The following FAM110B variants were observed in gnomAD, a reference collection of about 807,000 sequenced individuals.
FAM110B encodes family with sequence similarity 110 member B.
FAM110B carries 6 observed loss-of-function variants against 20.4 expected under a neutral mutation model. The ratio of observed to expected loss-of-function variants is 0.29; its 90% CI spans 0.16 to 0.58. The LOEUF (loss-of-function observed/expected upper bound fraction) is 0.58, where lower values mean the gene tolerates loss of function less well. Among genes scored for constraint, FAM110B ranks in the 20% least tolerant of loss-of-function variants. The pLI is 0.90. For synonymous variants in FAM110B, 226 were observed against 214.1 expected (o/e 1.06, Z -0.49); for missense variants, 434 against 498.2 (o/e 0.87, Z 1.23).
At chr8:58,136,200 C>G (rs538036227) in intron 3 of FAM110B, among the ~76,000 whole-genome samples, 1 of 151,778 alleles carries the variant, frequency 6.6e-6, no homozygotes, top group African/African-American at 2.4e-5. Flanking sequence ...TTAGTGGAGA[C>G]GGGGTTTCAC....
chr8:58,124,043 T>C (rs1313886376), intron 3 of FAM110B, among the ~76,000 whole-genome samples: 1 of 152,256 alleles, frequency 6.6e-6, no homozygotes, highest in African/African-American at 2.4e-5. Context: ...CTTTACCCTG[T>C]TTCCCTTTTA....
chr8:58,001,557 C>T (rs1804296572), intron 1 of FAM110B, among the ~76,000 whole-genome samples: 1 of 152,140 alleles, frequency 6.6e-6, no homozygotes, highest in African/African-American at 2.4e-5. Flanking sequence ...ACTAGCGTTA[C>T]AAGATCGAAC....
At chr8:58,001,365 AGTGTGTGCAG>A (rs1331244929) in intron 1 of FAM110B, among the ~76,000 whole-genome samples, 3 of 129,156 alleles carry the variant, frequency 2.3e-5, no homozygotes, top group Admixed American at 2.3e-4. Context: ...TCATGGAGCT[AGTGTGTGCAG>A]GTGTGTGTGT....
At position 58,028,661 on chromosome 8, in the gene FAM110B, T is replaced by C. The variant is rs115339527; in HGVS notation, c.-511-2945T>C. On this transcript the variant is annotated intron_variant, in intron 1 of 3. Transcript: ENST00000519262. ...TATAAAAAGAAATATAAGGAAAATA[T>C]TTTGTTGCTTTCACGGTTTCTAGAA... Among the ~76,000 whole-genome samples the C allele has an allele frequency of 4.7e-3, 720 of 152,298 alleles. 7 individuals carry two copies. Among genetic ancestry groups the C allele is most frequent in the African/African-American group, 0.017 (690 of 41,548 alleles).
intron 3 of FAM110B, among the ~76,000 whole-genome samples, chr8:58,116,798 A>T (rs1807226945): frequency 6.6e-6 from 1 of 152,202 alleles, no homozygotes; most frequent in Admixed American, 6.5e-5. Context: ...AAAGACAAGT[A>T]AATTACCTTA....
intron 3 of FAM110B, among the ~76,000 whole-genome samples, chr8:58,104,540 T>G (rs931884857): frequency 6.6e-6 from 1 of 152,200 alleles, no homozygotes; most frequent in Non-Finnish European, 1.5e-5. Context: ...AAAGTTGACC[T>G]GTAGTAACAT....
rs770044019 is a variant in FAM110B, at chr8:58,146,557, C to G, written c.327C>G (p.Ser109Arg). The stretch of plus-strand genomic sequence containing the variant: ...TCGGCAACCACGCCAAGACCGAGAG[C>G]GGCGTGCAGAGGGAGAACCTGAAGC... ...KVFGNHAKTE[S>R]GVQRENLKLE... The change falls in exon 4 of 4, where the codon AGC becomes AGG. Residue 109 changes from serine to arginine, a missense_variant. Ser to Arg is a moderately radical substitution (Grantham distance 110). This residue lies in a region of FAM110B where 284 missense variants were observed against 278.3 expected (regional missense o/e 1.02). Coordinates refer to ENST00000519262, the MANE Select transcript of FAM110B (RefSeq NM_001377989.1). 1.2e-6 allele frequency: 2 copies of G among 1,614,010 alleles called. No homozygotes were observed. The highest frequency in any genetic ancestry group is 1.6e-4 in the Middle Eastern group (1 of 6,062).
At chr8:58,005,367 C>T (rs1342348143) in intron 1 of FAM110B, among the ~76,000 whole-genome samples, 1 of 152,128 alleles carries the variant, frequency 6.6e-6, no homozygotes, top group Non-Finnish European at 1.5e-5. Flanking sequence ...CATTGAAGAT[C>T]CCTGATCACA....
rs1112530 is a variant in FAM110B, at chr8:58,011,975, A to G, written c.-512+17169A>G. Among the ~76,000 whole-genome samples the G allele has an allele frequency of 5.4e-3, 826 of 152,344 alleles. 19 individuals are homozygous for G. The highest frequency in any genetic ancestry group is 2.7e-3 in the East Asian group (14 of 5,188). The stretch of plus-strand genomic sequence containing the variant: ...CTCTGCTTCAGCTGAAGGATATTCC[A>G]GAGATGGCCACACGACATCTCACTG... On this transcript the variant is annotated intron_variant, in intron 1 of 3. Transcript: ENST00000519262.
intron 3 of FAM110B, among the ~76,000 whole-genome samples, chr8:58,079,234 C>T (rs550141933): frequency 1.2e-3 from 176 of 152,220 alleles, no homozygotes; most frequent in African/African-American, 4.1e-3. Flanking sequence ...ACAGTGAGAC[C>T]CACTGTGCCG....
chr8:58,107,014 A>G (rs1458006098), intron 3 of FAM110B, among the ~76,000 whole-genome samples: 1 of 152,134 alleles, frequency 6.6e-6, no homozygotes, highest in Non-Finnish European at 1.5e-5. Flanking sequence ...TACTCATTGC[A>G]TGGTTTTGGG....
chr8:58,089,523 C>T (rs1299783138), intron 3 of FAM110B, among the ~76,000 whole-genome samples: 1 of 152,158 alleles, frequency 6.6e-6, no homozygotes, highest in Non-Finnish European at 1.5e-5. Context: ...TATTAGCAGA[C>T]ATCATTTTAC....
At chr8:58,060,395 G>T (rs752395052) in intron 2 of FAM110B, among the ~76,000 whole-genome samples, 4 of 152,176 alleles carry the variant, frequency 2.6e-5, no homozygotes, top group Non-Finnish European at 5.9e-5. Context: ...ATGCTGAAAA[G>T]AAATATGTAT....
intron 3 of FAM110B, among the ~76,000 whole-genome samples, chr8:58,089,746 G>A (rs575896826): frequency 1.6e-4 from 24 of 152,314 alleles, no homozygotes; most frequent in Non-Finnish European, 3.1e-4. Context: ...AGCTCACATA[G>A]CTCTTATTTA....
intron 2 of FAM110B, among the ~76,000 whole-genome samples, chr8:58,060,623 T>A (rs1805636787): frequency 6.6e-6 from 1 of 152,184 alleles, no homozygotes; most frequent in African/African-American, 2.4e-5. Flanking sequence ...GCATACAGTA[T>A]ATTTTGGGAA....
chr8:58,090,712 G>A (rs188018602), intron 3 of FAM110B, among the ~76,000 whole-genome samples: 1 of 152,208 alleles, frequency 6.6e-6, no homozygotes, highest in Admixed American at 6.5e-5. Flanking sequence ...AAAGGCTAAA[G>A]TATCTGTATA....
intron 1 of FAM110B, among the ~76,000 whole-genome samples, chr8:58,024,172 C>CTTTTTT (rs10651271): frequency 0.066 from 8,513 of 129,106 alleles, 924 homozygotes; most frequent in African/African-American, 0.22. Context: ...TTTCACTGTG[C>CTTTTTT]TTTTTTTTTT....
chr8:58,118,768 T>A (rs184444770), intron 3 of FAM110B, among the ~76,000 whole-genome samples: 1 of 152,256 alleles, frequency 6.6e-6, no homozygotes, highest in Admixed American at 6.5e-5. Flanking sequence ...AAGTACCTCA[T>A]TCTTAGTGAT....
rs147111880 is a variant in FAM110B, at chr8:58,148,449, G to T, written c.*1106G>T. 1 of 167,060 alleles carries T rather than the reference G, an allele frequency of 6.0e-6. No homozygotes were observed. The highest frequency in any genetic ancestry group is 2.1e-4 in the South Asian group (1 of 4,830). The allele number at this position is 167,060 out of a possible 1,614,324, so 10.3% of individuals were successfully genotyped here. ...TTTGTTACAGCTCTAGGAAACTGTA[G>T]AAATACAATGCTATGTAGCTTTTCC... On this transcript the variant is annotated 3_prime_UTR_variant, in exon 4 of 4. Coordinates refer to ENST00000519262, the MANE Select transcript of FAM110B (RefSeq NM_001377989.1).
Sources: allele counts gnomAD v4.1 joint callset (sites outside exome capture counted in the v4.1 genomes callset), GRCh38; gene constraint gnomAD v4.1.1; regional missense constraint gnomAD v4.1.1; transcripts MANE v1.5; gene names NCBI Gene and HGNC (gene_info 2026-07-23, HGNC 2026-07-21).